The following VWA8 variants were observed in gnomAD, a reference collection of about 807,000 sequenced individuals.
VWA8 encodes von Willebrand factor A domain-containing protein 8.
Under a neutral mutation model 241.5 loss-of-function variants are expected in VWA8, and 221 were observed. The ratio of observed to expected loss-of-function variants is 0.91; its 90% confidence interval spans 0.82 to 1.02. The LOEUF is 1.02. VWA8 is among the 50% of genes least tolerant of loss of function. The pLI, the probability that VWA8 is intolerant of heterozygous loss-of-function variation, is 0.00. For missense variants in VWA8, 2,322 were observed against 2,328.7 expected (o/e 1.00, Z 0.06); for synonymous variants, 852 against 827.1 (o/e 1.03, Z -0.52).
At chr13:41,955,672 C>T (rs1878320727) in intron 1 of VWA8, 1 of 152,178 alleles carries the variant, frequency 6.6e-6, no homozygotes, top group African/African-American at 2.4e-5. Flanking sequence ...ACCAAAGGGG[C>T]AAATTGTTAA....
chr13:41,721,208 T>C lies in VWA8; in HGVS notation c.2964+162A>G, dbSNP rs79884178. On this transcript the variant is annotated intron_variant, in intron 25 of 44. Coordinates refer to ENST00000379310, the MANE Select transcript of VWA8 (RefSeq NM_015058.2). The stretch of plus-strand genomic sequence containing the variant: ...AAAGCTGAACAGATAATAATGTTCA[T>C]TGGCCTACCATATTTATAACTTAGA... Among the ~76,000 whole-genome samples, 84 of 152,318 alleles carry C rather than the reference T, an allele frequency of 5.5e-4. 1 individual carries two copies. Among genetic ancestry groups the C allele is most frequent in the African/African-American group, 1.9e-3 (77 of 41,586 alleles).
intron 3 of VWA8, 149 bp downstream of exon 3, chr13:41,911,889 A>G (rs1876017128): frequency 9.5e-7 from 1 of 1,051,796 alleles, no homozygotes; most frequent in Non-Finnish European, 1.2e-6. Context: ...AACTTATGCC[A>G]AACACTTTAT....
intron 22 of VWA8, among the ~76,000 whole-genome samples, chr13:41,730,551 T>G (rs2045474284): frequency 6.6e-6 from 1 of 152,218 alleles, no homozygotes; most frequent in Non-Finnish European, 1.5e-5. Flanking sequence ...ACAGAATCTA[T>G]AGTCTTGGCA....
intron 9 of VWA8, among the ~76,000 whole-genome samples, chr13:41,879,244 T>C (rs1460326124): frequency 3.3e-5 from 5 of 152,110 alleles, no homozygotes; most frequent in Non-Finnish European, 7.4e-5. Context: ...AAGATGGTAA[T>C]TTCCTGACTC....
At chr13:41,955,624 C>A (rs1205031721) in intron 1 of VWA8, among the ~76,000 whole-genome samples, 2 of 152,136 alleles carry the variant, frequency 1.3e-5, no homozygotes, top group East Asian at 1.9e-4. Flanking sequence ...GGCAACAATG[C>A]CCAAAGTTTC....
chr13:41,737,548 T>C (rs1184623634), intron 21 of VWA8, among the ~76,000 whole-genome samples: 1 of 152,230 alleles, frequency 6.6e-6, no homozygotes, highest in East Asian at 1.9e-4. Context: ...TTAAAAGCAG[T>C]GTTGCTATCC....
At chr13:41,733,277 G>C (rs1236654325) in intron 21 of VWA8, among the ~76,000 whole-genome samples, 1 of 152,156 alleles carries the variant, frequency 6.6e-6, no homozygotes, top group Non-Finnish European at 1.5e-5. Context: ...TCAAATAACT[G>C]TTTTGCTTTT....
At chr13:41,866,067 G>C in intron 10 of VWA8, 31 bp from the exon 11 acceptor site, 1 of 1,606,516 alleles carries the variant, frequency 6.2e-7, no homozygotes. Flanking sequence ...ATATAACATG[G>C]CCAGATGTGG....
chr13:41,620,552 T>C (rs1359648600), intron 37 of VWA8, among the ~76,000 whole-genome samples: 1 of 152,184 alleles, frequency 6.6e-6, no homozygotes, highest in Non-Finnish European at 1.5e-5. Context: ...GTTCTTTTAA[T>C]TGTGTTTTTA....
intron 21 of VWA8, 91 bp from the exon 22 acceptor site, chr13:41,732,246 A>G (rs1018410296): frequency 3.2e-6 from 4 of 1,261,394 alleles, no homozygotes; most frequent in Non-Finnish European, 4.4e-6. Context: ...ATTTTTTAAA[A>G]GATTTTTGTT....
chr13:41,694,347 T>G (rs2045200743), intron 29 of VWA8, among the ~76,000 whole-genome samples: 1 of 152,050 alleles, frequency 6.6e-6, no homozygotes, highest in African/African-American at 2.4e-5. Context: ...TTATTTGTAT[T>G]AAAAAATTTT....
At chr13:41,881,371 CCGG>C (rs1250862245) in intron 9 of VWA8, among the ~76,000 whole-genome samples, 6 of 10,984 alleles carry the variant, frequency 5.5e-4, no homozygotes, top group East Asian at 0.02. Context: ...TTTTTTTTTG[CCGG>C]GGGGGGGGGG....
chr13:41,890,140 A>C (rs2138083590), intron 5 of VWA8, among the ~76,000 whole-genome samples: 1 of 152,390 alleles, frequency 6.6e-6, no homozygotes, highest in South Asian at 2.1e-4. Context: ...CAAACAGTAA[A>C]GAAACAGACT....
intron 44 of VWA8, chr13:41,568,507 A>C: frequency 2.1e-6 from 1 of 469,226 alleles, no homozygotes; most frequent in East Asian, 3.3e-5. Context: ...GACACAGCAA[A>C]AGCAGGGAAC....
At chr13:41,807,038 A>G (rs1178340456) in intron 17 of VWA8, among the ~76,000 whole-genome samples, 1 of 152,216 alleles carries the variant, frequency 6.6e-6, no homozygotes, top group Non-Finnish European at 1.5e-5. Context: ...AATACAAAGG[A>G]TCATTAGAAG....
intron 1 of VWA8, 34 bp downstream of exon 1, chr13:41,960,819 G>T: frequency 1.3e-6 from 2 of 1,506,830 alleles, no homozygotes; most frequent in Non-Finnish European, 1.8e-6. Flanking sequence ...GAGCGCAGGG[G>T]CACCAGGGAG....
At chr13:41,866,708 T>C (rs908261795) in intron 10 of VWA8, among the ~76,000 whole-genome samples, 1 of 152,188 alleles carries the variant, frequency 6.6e-6, no homozygotes. Context: ...TACTGGAGAA[T>C]AAATTTTTTT....
chr13:41,602,717 T>G (rs1044711286), intron 40 of VWA8, among the ~76,000 whole-genome samples: 1 of 152,124 alleles, frequency 6.6e-6, no homozygotes, highest in Non-Finnish European at 1.5e-5. Context: ...TCTGAGTTCT[T>G]CACTAACATA....
chr13:41,573,810 T>G (rs1332058295), intron 43 of VWA8, among the ~76,000 whole-genome samples: 1 of 151,276 alleles, frequency 6.6e-6, no homozygotes, highest in African/African-American at 2.4e-5. Flanking sequence ...TTGGTAGAGA[T>G]GGGATTTCGC....
Sources: gnomAD v4.1 joint callset for allele counts (sites outside exome capture counted in the v4.1 genomes callset) on GRCh38, gnomAD v4.1.1 for gene constraint, MANE v1.5 for transcripts, NCBI Gene and HGNC (gene_info 2026-07-23, HGNC 2026-07-21) for gene names.